The following OSBPL3 variants were observed in gnomAD, a reference collection of about 807,000 sequenced individuals.
OSBPL3 encodes the protein oxysterol binding protein like 3.
OSBPL3 carries 65 observed loss-of-function variants against 120.1 expected under a neutral mutation model. The observed-to-expected ratio is 0.54, with a 90% CI of 0.44 to 0.67. The LOEUF is 0.67. Ranked by LOEUF, OSBPL3 falls within the 30% of genes least tolerant of loss-of-function variation. The pLI is 0.00. For missense variants in OSBPL3, 1,004 were observed against 1,082.1 expected, an observed-to-expected ratio of 0.93 and a Z score of 1.01; for synonymous variants, 416 against 402.6, an observed-to-expected ratio of 1.03 and a Z score of -0.40.
At chr7:24,865,525 T>TA (rs1215664236) in intron 6 of OSBPL3, 60 bp from the exon 7 acceptor site, 2 of 1,563,540 alleles carry the variant, frequency 1.3e-6, no homozygotes, top group Non-Finnish European at 1.7e-6. Context: ...GGGGACATGT[T>TA]AAGACAAAGG....
At chr7:24,921,136 T>C (rs1810329061) in intron 1 of OSBPL3, among the ~76,000 whole-genome samples, 1 of 152,182 alleles carries the variant, frequency 6.6e-6, no homozygotes, top group Non-Finnish European at 1.5e-5. Flanking sequence ...TTTCAAACTC[T>C]GAAACAATTG....
intron 2 of OSBPL3, among the ~76,000 whole-genome samples, chr7:24,884,076 C>CA (rs1477374612): frequency 5.2e-5 from 5 of 96,296 alleles, no homozygotes; most frequent in South Asian, 5.3e-4. Context: ...AACAAACAAA[C>CA]AACAACAGCA....
rs77718411 is a variant in OSBPL3, at chr7:24,936,759, T to A, written c.-150+43127A>T. ...ATATGATTCTGGAAACAATCGTGAA[T>A]AACATGATAAAAGTTTGCCTGCATT... On this transcript the variant is annotated intron_variant, in intron 1 of 22. Coordinates refer to ENST00000313367, the MANE Select transcript of OSBPL3 (RefSeq NM_015550.4). The surrounding 1 kb of genome is among the most constrained non-coding windows in gnomAD (Gnocchi z 4.2). Among the ~76,000 whole-genome samples the A allele has an allele frequency of 2.2e-3, 341 of 152,298 alleles. No homozygotes were observed. The highest frequency in any genetic ancestry group is 4.0e-3 in the African/African-American group (168 of 41,564).
intron 1 of OSBPL3, among the ~76,000 whole-genome samples, chr7:24,978,508 C>A (rs989901872): frequency 6.6e-6 from 1 of 152,122 alleles, no homozygotes; most frequent in African/African-American, 2.4e-5. Flanking sequence ...CAACAGCAAA[C>A]GGGTGATGTG....
intron 20 of OSBPL3, among the ~76,000 whole-genome samples, chr7:24,807,976 C>A (rs552020709): frequency 1.3e-5 from 2 of 152,254 alleles, no homozygotes; most frequent in East Asian, 3.9e-4. Flanking sequence ...CAGCTCACTG[C>A]AACCTCTACT....
At chr7:24,814,489 C>G (rs1264420432) in intron 19 of OSBPL3, among the ~76,000 whole-genome samples, 7 of 151,854 alleles carry the variant, frequency 4.6e-5, no homozygotes, top group Non-Finnish European at 1.0e-4. Context: ...TAAACCATAC[C>G]TAATGTAACA....
At chr7:24,914,490 CCA>C (rs538296025) in intron 1 of OSBPL3, among the ~76,000 whole-genome samples, 191 of 152,172 alleles carry the variant, frequency 1.3e-3, no homozygotes, top group African/African-American at 3.9e-3. Context: ...ACTGGAGAGC[CCA>C]GTTTTAGACC....
chr7:24,930,968 A>G lies in OSBPL3; in HGVS notation c.-149-38347T>C, dbSNP rs1001285273. Among the ~76,000 whole-genome samples the G allele has an allele frequency of 3.3e-5, 5 of 152,228 alleles. No homozygotes were observed. Among genetic ancestry groups the G allele is most frequent in the Non-Finnish European group, 7.3e-5 (5 of 68,048 alleles). On this transcript the variant is annotated intron_variant, in intron 1 of 22. Coordinates refer to ENST00000313367, the MANE Select transcript of OSBPL3 (RefSeq NM_015550.4). The surrounding 1 kb of genome is among the most constrained non-coding windows in gnomAD (Gnocchi z 4.4). ...AAAATTATTTAACATTCTCACAGGA[A>G]GTACGTGTTCAGAGGCAAAAAGTGA...
rs1401651263 is a variant in OSBPL3 at position 24,939,367 on chromosome 7, T to C, written c.-150+40519A>G. 6.6e-6 allele frequency among the ~76,000 whole-genome samples: 1 copy of C among 152,132 alleles called. No homozygotes were observed. The highest frequency in any genetic ancestry group is 1.5e-5 in the Non-Finnish European group (1 of 68,016). ...CTATGTGCTTGAGGAGAGCTTGGGCTCCTCCCCAACCCCAGCTGTAAATCC... is the reference window on the plus strand; with the variant it reads ...CTATGTGCTTGAGGAGAGCTTGGGCCCCTCCCCAACCCCAGCTGTAAATCC... On this transcript the variant is annotated intron_variant, in intron 1 of 22. Transcript: ENST00000313367. The surrounding 1 kb of genome is among the most constrained non-coding windows in gnomAD (Gnocchi z 4.2).
rs971419759 is a variant in OSBPL3, at chr7:24,972,429, A to C, written c.-150+7457T>G. On this transcript the variant is annotated intron_variant, in intron 1 of 22. Transcript: ENST00000313367. The surrounding 1 kb of genome is among the most constrained non-coding windows in gnomAD (Gnocchi z 4.3). ...CTTTCTCTCCAGGGTCCCAATTAAA[A>C]GCCAGACTCATTCCCTTTGAGCCAC... Among the ~76,000 whole-genome samples, 4 of 152,212 alleles carry C rather than the reference A, an allele frequency of 2.6e-5. No homozygotes were observed. The highest frequency in any genetic ancestry group is 7.2e-5 in the African/African-American group (3 of 41,446).
chr7:24,807,859 C>A (rs1026321343), intron 20 of OSBPL3, among the ~76,000 whole-genome samples: 1 of 152,148 alleles, frequency 6.6e-6, no homozygotes. Flanking sequence ...GCTCTTCACA[C>A]ATAACAAGAG....
At chr7:24,892,320 C>T in intron 2 of OSBPL3, 57 bp downstream of exon 2, 4 of 1,571,268 alleles carry the variant, frequency 2.5e-6, no homozygotes, top group Non-Finnish European at 3.5e-6. Context: ...TGCATTTTAA[C>T]CAGCAAACTT....
chr7:24,878,940 C>T (rs957037026), intron 2 of OSBPL3, among the ~76,000 whole-genome samples: 1 of 152,132 alleles, frequency 6.6e-6, no homozygotes, highest in Non-Finnish European at 1.5e-5. Context: ...TCCAGGAGAC[C>T]AGGCTGTCTC....
chr7:24,806,190 C>A lies in OSBPL3; in HGVS notation c.2444+586G>T, dbSNP rs962089266. ...CAGGCTGGTCTTGAACTCCTGACTT[C>A]AAGTGATCCGCCCGCTTCGGCCTCC... is the stretch of plus-strand genomic sequence containing the variant. On this transcript the variant is annotated intron_variant, in intron 21 of 22. Transcript: ENST00000313367. The surrounding 1 kb of genome is among the most constrained non-coding windows in gnomAD (Gnocchi z 5.2). Among the ~76,000 whole-genome samples, 39 of 152,358 alleles carry A rather than the reference C, an allele frequency of 2.6e-4. No homozygotes were observed. The highest frequency in any genetic ancestry group is 9.4e-4 in the African/African-American group (39 of 41,582).
Position 24,862,525 on chromosome 7 carries a change from C to T in OSBPL3, c.870+675G>A, listed in dbSNP as rs1800713639. 6.6e-6 allele frequency among the ~76,000 whole-genome samples: 1 copy of T among 152,200 alleles called. No homozygotes were observed. Among genetic ancestry groups the T allele is most frequent in the Non-Finnish European group, 1.5e-5 (1 of 68,026 alleles). The stretch of plus-strand genomic sequence containing the variant: ...CATTCTTTACTTCCAAAGTGCTTAT[C>T]TTCAGTCCATAAACTACTTTGAACC... On this transcript the variant is annotated intron_variant, in intron 9 of 22. Coordinates refer to ENST00000313367, the MANE Select transcript of OSBPL3 (RefSeq NM_015550.4). This position sits in a 1 kb window ranked among gnomAD's most constrained non-coding sequence, Gnocchi z 4.4.
rs563440516 is a variant in OSBPL3, at chr7:24,851,149, C to G, written c.1158+1355G>C. On this transcript the variant is annotated intron_variant, in intron 11 of 22. Transcript: ENST00000313367. This position sits in a 1 kb window ranked among gnomAD's most constrained non-coding sequence, Gnocchi z 4.1. The stretch of plus-strand genomic sequence containing the variant: ...CCATCAGAGATACCTTTTGTAAATG[C>G]ACTAAAAGCTAGCTTAATGAGAACA... 1.3e-5 allele frequency among the ~76,000 whole-genome samples: 2 copies of G among 152,076 alleles called. No homozygotes were observed. Among genetic ancestry groups the G allele is most frequent in the Non-Finnish European group, 2.9e-5 (2 of 68,002 alleles).
chr7:24,935,802 C>T (rs1812335258), intron 1 of OSBPL3, among the ~76,000 whole-genome samples: 1 of 151,480 alleles, frequency 6.6e-6, no homozygotes, highest in Non-Finnish European at 1.5e-5. Flanking sequence ...ATCTATTTTG[C>T]AATGAGTATG....
chr7:24,903,963 A>G (rs373072581), intron 1 of OSBPL3, among the ~76,000 whole-genome samples: 1 of 147,850 alleles, frequency 6.8e-6, no homozygotes, highest in Non-Finnish European at 1.5e-5. Context: ...GCTCACTGCA[A>G]CCTCTGCCTC....
At chr7:24,948,468 G>A (rs1185603686) in intron 1 of OSBPL3, among the ~76,000 whole-genome samples, 1 of 152,102 alleles carries the variant, frequency 6.6e-6, no homozygotes, top group Non-Finnish European at 1.5e-5. Flanking sequence ...CTGAGTCACT[G>A]AAAAAGCTTT....
Sources: gnomAD v4.1 joint callset for allele counts (sites outside exome capture counted in the v4.1 genomes callset) on GRCh38, gnomAD v4.1.1 for gene constraint, Gnocchi (gnomAD v3.1) non-coding constraint, MANE v1.5 for transcripts, NCBI Gene and HGNC (gene_info 2026-07-23, HGNC 2026-07-21) for gene names.